Variants in PCDHGA6 observed in about 807,000 individuals in gnomAD.
PCDHGA6 encodes protocadherin gamma subfamily A, 6.
A neutral mutation model predicts 60.6 loss-of-function variants in PCDHGA6; 41 were observed. The ratio of observed to expected loss-of-function variants is 0.68; its 90% confidence interval spans 0.53 to 0.88. The LOEUF (loss-of-function observed/expected upper bound fraction) is 0.88. Among genes scored for constraint, PCDHGA6 ranks in the 40% least tolerant of loss-of-function variants. PCDHGA6 has a pLI of 0.00. For missense variants in PCDHGA6, 1,312 were observed against 1,203.0 expected, an observed-to-expected ratio of 1.09 and a Z score of -1.34; for synonymous variants, 594 against 524.4, an observed-to-expected ratio of 1.13 and a Z score of -1.81.
chr5:141,504,510 C>T (rs2099838864), intron 2 of PCDHGA6, among the ~76,000 whole-genome samples: 1 of 151,952 alleles, frequency 6.6e-6, no homozygotes, highest in Non-Finnish European at 1.5e-5. Context: ...GAGTGGATCT[C>T]CTCTGATATA....
chr5:141,505,026 G>T (rs190826538), intron 2 of PCDHGA6, among the ~76,000 whole-genome samples: 1 of 152,198 alleles, frequency 6.6e-6, no homozygotes, highest in South Asian at 2.1e-4. Context: ...GCCTGGCACA[G>T]TGGCAGGTGC....
intron 1 of PCDHGA6, chr5:141,394,467 G>C (rs558211393): frequency 3.1e-6 from 5 of 1,614,120 alleles, no homozygotes; most frequent in African/African-American, 1.3e-5. Context: ...GAGCCTGTTC[G>C]TGCTGGACCA....
intron 1 of PCDHGA6, among the ~76,000 whole-genome samples, chr5:141,459,561 C>T (rs912894386): frequency 2.6e-5 from 4 of 151,954 alleles, no homozygotes; most frequent in African/African-American, 7.3e-5. Context: ...GGATAAATAC[C>T]CCAAAACAGA....
intron 1 of PCDHGA6, chr5:141,420,568 T>C (rs2096507107): frequency 8.5e-6 from 2 of 235,080 alleles, no homozygotes; most frequent in African/African-American, 2.3e-5. Flanking sequence ...CGGCATGGTA[T>C]TTTAATTGAA....
At chr5:141,404,520 A>C (rs1483361714) in intron 1 of PCDHGA6, 2 of 1,613,916 alleles carry the variant, frequency 1.2e-6, no homozygotes, top group Non-Finnish European at 1.7e-6. Context: ...TTTGACTATG[A>C]GCAGTTTAGA....
In PCDHGA6 at chr5:141,384,758, G is replaced by A. The variant is rs369146747; in HGVS notation, c.2424+8251G>A. ...AGCGAGCCAGGACTCTTTGCGGTTG[G>A]GCTGTACACGGGCGAGGTGCGCACG... is the stretch of plus-strand genomic sequence containing the variant. On this transcript the variant is annotated intron_variant, in intron 1 of 3. Coordinates refer to ENST00000517434, the MANE Select transcript of PCDHGA6 (RefSeq NM_018919.3). 57 of 1,613,872 alleles carry A rather than the reference G, an allele frequency of 3.5e-5. No individual in the cohort carries two copies. The highest frequency in any genetic ancestry group is 4.1e-5 in the Non-Finnish European group (48 of 1,180,038).
At chr5:141,423,485 C>T (rs752918607) in intron 1 of PCDHGA6, 30 of 1,613,840 alleles carry the variant, frequency 1.9e-5, no homozygotes, top group Non-Finnish European at 2.2e-5. Context: ...TTCCTGCAAA[C>T]CTATTCCCAC....
At position 141,410,538 on chromosome 5, in the gene PCDHGA6, T is replaced by C. The variant is rs373020361; in HGVS notation, c.2424+34031T>C. The C allele has an allele frequency of 5.6e-6, 9 of 1,613,830 alleles. No homozygotes were observed. The South Asian group carries it at 7.7e-5, about 14-fold the overall frequency. On this transcript the variant is annotated intron_variant, in intron 1 of 3. Transcript: ENST00000517434. ...GTGCCCCTACATTCCAATGAAGACA[T>C]GGTTTGCAGTGTTTCTCCTGGAGCC...
At chr5:141,506,053 T>C (rs1486313858) in intron 3 of PCDHGA6, among the ~76,000 whole-genome samples, 1 of 152,126 alleles carries the variant, frequency 6.6e-6, no homozygotes, top group Non-Finnish European at 1.5e-5. Context: ...TCCCATAAGG[T>C]TGACTAAGGG....
chr5:141,419,334 T>C (rs1260087339), intron 1 of PCDHGA6: 3 of 1,613,870 alleles, frequency 1.9e-6, no homozygotes, highest in Non-Finnish European at 8.5e-7. Flanking sequence ...TACTCTCTCA[T>C]TGCCAGCGAC....
chr5:141,394,475 C>T (rs1205262995), intron 1 of PCDHGA6: 1 of 1,614,242 alleles, frequency 6.2e-7, no homozygotes, highest in South Asian at 1.1e-5. Context: ...TCGTGCTGGA[C>T]CAGAATGACA....
chr5:141,458,873 C>T (rs1278498446), intron 1 of PCDHGA6, among the ~76,000 whole-genome samples: 2 of 152,148 alleles, frequency 1.3e-5, no homozygotes, highest in African/African-American at 4.8e-5. Context: ...GCTGGGACTA[C>T]AGGCATGCAC....
chr5:141,384,035 A>G (rs774600484), intron 1 of PCDHGA6: 2 of 1,613,378 alleles, frequency 1.2e-6, no homozygotes, highest in Non-Finnish European at 1.7e-6. Context: ...TCTGGAAAGA[A>G]TGGTGAGGTG....
rs771408685 is a variant in PCDHGA6, at chr5:141,486,166, G to T, written c.2425-8641G>T. ...GCGATGGGGGTTCTCCAGCCATGGA[G>T]CAACATTGCAGCCTTCGAGTGGATC... is the stretch of plus-strand genomic sequence containing the variant. On this transcript the variant is annotated intron_variant, in intron 1 of 3. Transcript: ENST00000517434. The surrounding 1 kb of genome is among the most constrained non-coding windows in gnomAD (Gnocchi z 5.0). 1.9e-6 allele frequency: 3 copies of T among 1,614,106 alleles called. No homozygotes were observed. Among genetic ancestry groups the T allele is most frequent in the Non-Finnish European group, 2.5e-6 (3 of 1,180,048 alleles).
intron 1 of PCDHGA6, among the ~76,000 whole-genome samples, chr5:141,464,203 T>G (rs2099077714): frequency 6.6e-6 from 1 of 150,780 alleles, no homozygotes; most frequent in South Asian, 2.1e-4. Flanking sequence ...AGGCGGAGAT[T>G]GCAGTGAGCT....
In PCDHGA6 at chr5:141,430,937, G is replaced by C. The variant is rs888990395; in HGVS notation, c.2424+54430G>C. ...CCTGGGGCTGGAGCCCCGGGAGCTC[G>C]CGGAGCGCGGAGTCCGCATCATCCC... On this transcript the variant is annotated intron_variant, in intron 1 of 3. Coordinates refer to ENST00000517434, the MANE Select transcript of PCDHGA6 (RefSeq NM_018919.3). The C allele has an allele frequency of 8.7e-6, 14 of 1,607,498 alleles. No individual in the cohort carries two copies. The highest frequency in any genetic ancestry group is 1.7e-5 in the Admixed American group (1 of 58,732).
At chr5:141,384,070 C>A (rs762136393) in intron 1 of PCDHGA6, 2 of 1,603,864 alleles carry the variant, frequency 1.2e-6, no homozygotes, top group Admixed American at 3.4e-5. Context: ...AGAAAACCTA[C>A]CTTTTAAATT....
At chr5:141,419,014 C>A (rs1332175722) in intron 1 of PCDHGA6, 1 of 1,613,780 alleles carries the variant, frequency 6.2e-7, no homozygotes, top group Non-Finnish European at 8.5e-7. Flanking sequence ...TCAGGTGTAG[C>A]TTAAGTAGAG....
At chr5:141,430,589 G>A in intron 1 of PCDHGA6, 1 of 529,266 alleles carries the variant, frequency 1.9e-6, no homozygotes, top group Non-Finnish European at 3.1e-6. Context: ...TGCTCGCCTT[G>A]CACGCGCCTG....
Sources: allele counts gnomAD v4.1 joint callset (sites outside exome capture counted in the v4.1 genomes callset), GRCh38; gene constraint gnomAD v4.1.1; non-coding constraint Gnocchi (gnomAD v3.1); transcripts MANE v1.5; gene names NCBI Gene and HGNC (gene_info 2026-07-23, HGNC 2026-07-21).